The following INSC variants were observed in gnomAD, a reference collection of about 807,000 sequenced individuals.
INSC encodes the protein protein inscuteable homolog.
INSC carries 67 observed loss-of-function variants against 58.6 expected under a neutral mutation model. That is an observed-to-expected ratio of 1.14 (90% CI 0.94 to 1.40). The LOEUF is 1.40. Among genes scored for constraint, INSC ranks in the 40% most tolerant of loss-of-function variants. INSC has a pLI of 0.00. For synonymous variants in INSC, 262 were observed against 276.1 expected (o/e 0.95, Z 0.51); for missense variants, 714 against 692.0 (o/e 1.03, Z -0.36).
rs766840558 is a variant in INSC at position 15,200,828 on chromosome 11, G to A, written c.698G>A (p.Gly233Asp). The A allele has an allele frequency of 2.5e-6, 4 of 1,613,926 alleles. No individual in the cohort carries two copies. Residue 233 changes from glycine (G) to aspartate (D), a missense_variant, in exon 7 of 13, where the codon GGT becomes GAT. By Grantham distance (94) the Gly-to-Asp change is moderately conservative. Coordinates refer to ENST00000379556, the MANE Select transcript of INSC (RefSeq NM_001042536.3). The part of the protein sequence containing the change: ...APLCRIIAKE[G>D]GVVALFKVCR... The stretch of plus-strand genomic sequence containing the variant: ...GACATTTCTTTCTCTTGGCAGGAGG[G>A]TGGGGTCGTAGCACTCTTCAAGGTT...
chr11:15,137,138 AT>A (rs551057250), intron 1 of INSC, among the ~76,000 whole-genome samples: 67 of 152,184 alleles, frequency 4.4e-4, no homozygotes, highest in Middle Eastern at 3.4e-3. Flanking sequence ...TGAAAGGAAT[AT>A]TTTTTTTCTG....
intron 1 of INSC, among the ~76,000 whole-genome samples, chr11:15,142,702 G>A (rs1178776211): frequency 6.6e-6 from 1 of 152,162 alleles, no homozygotes. Context: ...GAGGGAGGCT[G>A]CCTAGCTGGG....
chr11:15,112,393 G>A (rs11023439), upstream of INSC: 7 of 1,249,028 alleles, frequency 5.6e-6, no homozygotes, highest in Non-Finnish European at 6.7e-6. Context: ...GGCCCAGAAG[G>A]GTGGGCAAAG....
intron 10 of INSC, 58 bp from the exon 11 acceptor site, chr11:15,238,861 C>G: frequency 6.4e-7 from 1 of 1,560,750 alleles, no homozygotes; most frequent in South Asian, 1.2e-5. Flanking sequence ...TCCAGCTGGC[C>G]CCATGGGGAA....
At chr11:15,144,447 C>T (rs929383906) in intron 1 of INSC, among the ~76,000 whole-genome samples, 1 of 152,286 alleles carries the variant, frequency 6.6e-6, no homozygotes, top group Non-Finnish European at 1.5e-5. Flanking sequence ...CTGTTGCTTC[C>T]AGCTCTTGCA....
At chr11:15,230,013 AATATATATATAT>A (rs1376517539) in intron 9 of INSC, among the ~76,000 whole-genome samples, 1 of 23,880 alleles carries the variant, frequency 4.2e-5, no homozygotes, top group Non-Finnish European at 6.9e-5. Context: ...ATATATATAT[AATATATATATAT>A]ATATATATAT....
chr11:15,175,849 A>T lies in INSC; in HGVS notation c.165A>T (p.Glu55Asp). 6.2e-7 allele frequency: 1 copy of T among 1,613,584 alleles called. No individual in the cohort carries two copies. Among genetic ancestry groups the T allele is most frequent in the Non-Finnish European group, 8.5e-7 (1 of 1,179,494 alleles). ...CVLQAKPISLEEDAQGDLILA... is the reference protein window; with the variant it reads ...CVLQAKPISLDEDAQGDLILA... Reference sequence around the variant, plus strand: ...TGCAGGCCAAGCCCATCAGCCTGGAAGAGGATGCACAGGGTGACCTCATCC... The same window carrying T: ...TGCAGGCCAAGCCCATCAGCCTGGATGAGGATGCACAGGGTGACCTCATCC... Residue 55 changes from glutamate (E) to aspartate (D), a missense_variant, in exon 3 of 13, where the codon GAA (glutamate) becomes GAT (aspartate). Physicochemically the swap from Glu to Asp is conservative, Grantham distance 45. Transcript: ENST00000379556.
In INSC at chr11:15,125,793, C is replaced by G. The variant is rs189691503; in HGVS notation, c.-46+10790C>G. On this transcript the variant is annotated intron_variant, in intron 1 of 12. Coordinates refer to ENST00000379556, the MANE Select transcript of INSC (RefSeq NM_001042536.3). ...GAAAAGATGTACCCATAGGAGATCA[C>G]CAGTCAGCTACAAAACGAAGCAAGT... 3.9e-5 allele frequency among the ~76,000 whole-genome samples: 6 copies of G among 152,256 alleles called. No individual in the cohort carries two copies. In the East Asian group the frequency reaches 1.2e-3, roughly 30 times the overall value.
chr11:15,150,573 T>C (rs1297520874), intron 2 of INSC, among the ~76,000 whole-genome samples: 1 of 152,120 alleles, frequency 6.6e-6, no homozygotes. Flanking sequence ...GTGAGGCCAT[T>C]GGTATTTGAG....
At chr11:15,194,300 A>G (rs1850290875) in intron 6 of INSC, among the ~76,000 whole-genome samples, 1 of 152,222 alleles carries the variant, frequency 6.6e-6, no homozygotes, top group African/African-American at 2.4e-5. Context: ...GGTAGACTTA[A>G]GATGCTAGTC....
intron 1 of INSC, among the ~76,000 whole-genome samples, chr11:15,145,942 T>C (rs532380095): frequency 6.6e-6 from 1 of 152,302 alleles, no homozygotes; most frequent in Admixed American, 6.5e-5. Context: ...ACACAGGCTC[T>C]TATCTTCATC....
chr11:15,245,922 G>A lies in INSC; in HGVS notation c.1481G>A (p.Arg494His), dbSNP rs777786881. ...CTGTCTTCTCCCCAGGCTGCTCTGC[G>A]TAGATTGGCTGGGGTCTGCCCTGAA... ...AVLVACLAAL[R>H]RLAGVCPEGL... Residue 494 changes from arginine (R) to histidine (H), a missense_variant, in exon 13 of 13, where the codon CGT becomes CAT. Physicochemically the swap from Arg to His is conservative, Grantham distance 29 (BLOSUM62 0). Transcript: ENST00000379556. 132 of 1,614,022 alleles carry A rather than the reference G, an allele frequency of 8.2e-5. 1 individual carries two copies. The East Asian group carries it at 9.8e-4, about 12-fold the overall frequency.
chr11:15,159,506 A>G (rs182451766), intron 2 of INSC, among the ~76,000 whole-genome samples: 12 of 152,374 alleles, frequency 7.9e-5, no homozygotes, highest in Admixed American at 2.6e-4. Context: ...TGTTACTGCC[A>G]TGAAAATTCA....
rs568749769 is a variant in INSC at position 15,135,030 on chromosome 11, G to A, written c.-45-14100G>A. On this transcript the variant is annotated intron_variant, in intron 1 of 12. Coordinates refer to ENST00000379556, the MANE Select transcript of INSC (RefSeq NM_001042536.3). ...TATTTGGAGGGAGAAATTAGTGTAAGTTAGGGTGTTTGAAGAGAGCTGCCA... is the reference window on the plus strand; with the variant it reads ...TATTTGGAGGGAGAAATTAGTGTAAATTAGGGTGTTTGAAGAGAGCTGCCA... Among the ~76,000 whole-genome samples the A allele has an allele frequency of 2.6e-5, 4 of 152,230 alleles. No homozygotes were observed. In the South Asian group the frequency reaches 6.2e-4, roughly 24 times the overall value.
At chr11:15,257,790 G>C in the INSC span, among the ~76,000 whole-genome samples, 2 of 152,082 alleles carry the variant, frequency 1.3e-5, no homozygotes, top group Non-Finnish European at 2.9e-5. Context: ...GAGAGGCCTG[G>C]AGCCCATCCG....
At chr11:15,190,123 A>G (rs77750588) in intron 5 of INSC, among the ~76,000 whole-genome samples, 3,540 of 152,216 alleles carry the variant, frequency 0.023, 140 homozygotes, top group African/African-American at 0.08. Context: ...CAGTGTTGCT[A>G]TTTCATCTTG....
chr11:15,154,573 G>T (rs1405692580), intron 2 of INSC, among the ~76,000 whole-genome samples: 1 of 152,168 alleles, frequency 6.6e-6, no homozygotes, highest in African/African-American at 2.4e-5. Context: ...AAAAAAGTTT[G>T]CAATCTCATC....
intron 5 of INSC, among the ~76,000 whole-genome samples, chr11:15,183,193 T>C (rs1849839373): frequency 6.6e-6 from 1 of 151,210 alleles, no homozygotes; most frequent in Admixed American, 6.6e-5. Context: ...ACTAAAAATA[T>C]AAAAAAAATT....
chr11:15,158,860 G>GTTTTTTTTTTTT (rs529518368), intron 2 of INSC, among the ~76,000 whole-genome samples: 52 of 109,666 alleles, frequency 4.7e-4, no homozygotes, highest in South Asian at 6.4e-4. Context: ...ATTGTTGGTG[G>GTTTTTTTTTTTT]TTTTTTTTTT....
Sources: gnomAD v4.1 joint callset for allele counts (sites outside exome capture counted in the v4.1 genomes callset) on GRCh38, gnomAD v4.1.1 for gene constraint, MANE v1.5 for transcripts, NCBI Gene and HGNC (gene_info 2026-07-23, HGNC 2026-07-21) for gene names.